Variants in RABGAP1L observed in about 807,000 individuals in gnomAD.
The protein encoded by RABGAP1L is rab GTPase-activating protein 1-like.
In RABGAP1L, 63 loss-of-function variants were observed where a neutral mutation model predicts 137.7. The observed-to-expected ratio is 0.46, with a 90% CI of 0.37 to 0.56. The LOEUF is 0.56. RABGAP1L is among the 20% of genes least tolerant of loss of function. RABGAP1L has a pLI of 0.00. For missense variants in RABGAP1L, 1,095 were observed against 1,244.0 expected (o/e 0.88, Z 1.80); for synonymous variants, 431 against 433.7 (o/e 0.99, Z 0.08).
At chr1:174,967,750 G>A (rs1236793134) in intron 20 of RABGAP1L, among the ~76,000 whole-genome samples, 1 of 152,026 alleles carries the variant, frequency 6.6e-6, no homozygotes, top group Admixed American at 6.6e-5. Flanking sequence ...GGCTCCCAAA[G>A]TATTGAGATT....
intron 13 of RABGAP1L, among the ~76,000 whole-genome samples, chr1:174,560,704 TCCTCCCCTTCGCAC>T (rs1667155075): frequency 6.6e-6 from 1 of 152,152 alleles, no homozygotes; most frequent in Non-Finnish European, 1.5e-5. Context: ...TTTTTGGCCA[TCCTCCCCTTCGCAC>T]CCTCCCCCTT....
At chr1:174,602,276 C>T (rs1436388254) in intron 13 of RABGAP1L, among the ~76,000 whole-genome samples, 3 of 152,150 alleles carry the variant, frequency 2.0e-5, no homozygotes, top group Admixed American at 6.5e-5. Context: ...GCCTCAGAAT[C>T]GCTGGGAGGC....
chr1:174,266,852 A>C, intron 7 of RABGAP1L, among the ~76,000 whole-genome samples: 1 of 152,236 alleles, frequency 6.6e-6, no homozygotes, highest in East Asian at 1.9e-4. Context: ...TAATGCTGAA[A>C]GTGAAATTGC....
chr1:174,524,001 T>C (rs1332056844), intron 13 of RABGAP1L, among the ~76,000 whole-genome samples: 1 of 152,232 alleles, frequency 6.6e-6, no homozygotes, highest in African/African-American at 2.4e-5. Flanking sequence ...TTCCATTGTA[T>C]ATATGTACAA....
chr1:174,397,057 G>C (rs1474110709), intron 13 of RABGAP1L, among the ~76,000 whole-genome samples: 1 of 151,994 alleles, frequency 6.6e-6, no homozygotes, highest in East Asian at 1.9e-4. Flanking sequence ...TGGGAGGATT[G>C]CTTGAGCCCA....
chr1:174,841,616 T>A (rs1693411279), intron 19 of RABGAP1L, among the ~76,000 whole-genome samples: 2 of 152,024 alleles, frequency 1.3e-5, no homozygotes, highest in Admixed American at 1.3e-4. Context: ...AAAGAGCTGA[T>A]TTTTTAAAAA....
At chr1:174,683,187 C>G (rs970202275) in intron 14 of RABGAP1L, among the ~76,000 whole-genome samples, 7 of 150,488 alleles carry the variant, frequency 4.7e-5, no homozygotes, top group African/African-American at 2.4e-5. Context: ...TCTTCTTACT[C>G]TCTCCCACCC....
At position 174,395,838 on chromosome 1, in the gene RABGAP1L, T is replaced by TAAA. The variant is rs59466961; in HGVS notation, c.1710+1708_1710+1710dup. On this transcript the variant is annotated intron_variant, in intron 13 of 25. Coordinates refer to ENST00000681986, the MANE Select transcript of RABGAP1L (RefSeq NM_001366446.1). The stretch of plus-strand genomic sequence containing the variant: ...GGGCAACATAGCAAGACCCTGTCTC[T>TAAA]AAAAAAAAAAAAAAAAAGAAAGAAT... Among the ~76,000 whole-genome samples the TAAA allele has an allele frequency of 2.9e-3, 363 of 125,830 alleles. 2 individuals carry two copies. The highest frequency in any genetic ancestry group is 9.9e-3 in the South Asian group (37 of 3,732). The allele number at this position is 125,830 out of a possible 152,430, so 82.5% of individuals were successfully genotyped here.
At chr1:174,835,096 A>G (rs1324077655) in intron 19 of RABGAP1L, among the ~76,000 whole-genome samples, 7 of 152,176 alleles carry the variant, frequency 4.6e-5, no homozygotes, top group Admixed American at 3.9e-4. Flanking sequence ...AATGTGTCTA[A>G]CCTGCTGATA....
Position 174,319,863 on chromosome 1 carries a change from G to A in RABGAP1L, c.1465+14736G>A, listed in dbSNP as rs921229143. ...AATTGATTTTTGAATGTTCCTCTGC[G>A]GTTATTTAGTTAGCACTCTTTACTT... is the stretch of plus-strand genomic sequence containing the variant. On this transcript the variant is annotated intron_variant, in intron 11 of 25. Coordinates refer to ENST00000681986, the MANE Select transcript of RABGAP1L (RefSeq NM_001366446.1). Among the ~76,000 whole-genome samples, 108 of 152,118 alleles carry A rather than the reference G, an allele frequency of 7.1e-4. 1 individual carries two copies. Among genetic ancestry groups the A allele is most frequent in the African/African-American group, 2.3e-3 (96 of 41,506 alleles).
intron 18 of RABGAP1L, among the ~76,000 whole-genome samples, chr1:174,773,217 G>A (rs150311445): frequency 8.3e-4 from 120 of 145,066 alleles, no homozygotes; most frequent in African/African-American, 2.7e-3. Context: ...CTGTGAACAA[G>A]AGATTATATC....
At chr1:174,982,023 A>G (rs1358313163) in intron 23 of RABGAP1L, among the ~76,000 whole-genome samples, 2 of 152,150 alleles carry the variant, frequency 1.3e-5, no homozygotes, top group Non-Finnish European at 2.9e-5. Flanking sequence ...TTAAACTCAC[A>G]TTTAACTCCA....
rs1033461212 is a variant in RABGAP1L at position 174,376,069 on chromosome 1, ATAAAG to A, written c.1559+5000_1559+5004del. Among the ~76,000 whole-genome samples the A allele has an allele frequency of 3.9e-5, 6 of 152,060 alleles. No homozygotes were observed. In the East Asian group the frequency reaches 5.8e-4, roughly 15 times the overall value. ...TGACAGAGCAAGACTCTGTCAGAAA[ATAAAG>A]TAGAGTAAAGTAAAGTAAAGAAAAG... On this transcript the variant is annotated intron_variant, in intron 12 of 25. Transcript: ENST00000681986.
chr1:174,298,154 AG>A (rs997603441), intron 10 of RABGAP1L, among the ~76,000 whole-genome samples: 3 of 152,222 alleles, frequency 2.0e-5, no homozygotes. Flanking sequence ...AGAGGGGAGC[AG>A]GCGTCCCTGG....
chr1:174,975,260 G>C (rs992784522), intron 21 of RABGAP1L, among the ~76,000 whole-genome samples: 3 of 152,200 alleles, frequency 2.0e-5, no homozygotes, highest in African/African-American at 7.2e-5. Flanking sequence ...TGTCATTACA[G>C]TCCTATTAAG....
chr1:174,212,210 G>A (rs1668949196), intron 1 of RABGAP1L, among the ~76,000 whole-genome samples: 1 of 151,960 alleles, frequency 6.6e-6, no homozygotes, highest in Non-Finnish European at 1.5e-5. Context: ...TATTCTTAAG[G>A]ATAGACCGTA....
chr1:174,769,984 C>A (rs1056702479), intron 18 of RABGAP1L, among the ~76,000 whole-genome samples: 5 of 152,114 alleles, frequency 3.3e-5, no homozygotes, highest in African/African-American at 1.2e-4. Flanking sequence ...TAAGGAAGAA[C>A]TGAAGTTGGG....
intron 15 of RABGAP1L, among the ~76,000 whole-genome samples, chr1:174,694,392 T>G (rs966254669): frequency 2.7e-5 from 4 of 146,138 alleles, no homozygotes; most frequent in African/African-American, 1.0e-4. Context: ...ATGTTCCCCT[T>G]CCTGTGTCCA....
intron 14 of RABGAP1L, among the ~76,000 whole-genome samples, chr1:174,656,994 C>T (rs1051412293): frequency 2.6e-5 from 4 of 152,020 alleles, no homozygotes; most frequent in African/African-American, 9.7e-5. Flanking sequence ...TCCTAATGCA[C>T]AAAGCCTTGA....
Sources: allele counts gnomAD v4.1 joint callset (sites outside exome capture counted in the v4.1 genomes callset), GRCh38; gene constraint gnomAD v4.1.1; transcripts MANE v1.5; gene names NCBI Gene and HGNC (gene_info 2026-07-23, HGNC 2026-07-21).